Variants in SKI observed in about 807,000 individuals in gnomAD.
SKI encodes SKI proto-oncogene, also known as ski oncogene.
SKI carries 23 observed loss-of-function variants against 59.3 expected under a neutral mutation model. The ratio of observed to expected loss-of-function variants is 0.39; its 90% CI spans 0.28 to 0.55. The LOEUF is 0.55. Among genes scored for constraint, SKI ranks in the 20% least tolerant of loss-of-function variants. The pLI is 0.67. For synonymous variants in SKI, 673 were observed against 488.6 expected (o/e 1.38, Z -4.98); for missense variants, 1,017 against 1,038.9 (o/e 0.98, Z 0.29).
At position 2,309,099 on chromosome 1, in the gene SKI, C is replaced by T. The variant is rs1399279750; in HGVS notation, c.*2334C>T. On this transcript the variant is annotated 3_prime_UTR_variant, in exon 7 of 7. Coordinates refer to ENST00000378536, the MANE Select transcript of SKI (RefSeq NM_003036.4). ...TGCCTCGGCTCACCAGGGTCACTTC[C>T]ACTGTCAGGGGCCTGAGGGGGCAGC... 1 of 152,352 alleles carries T rather than the reference C, an allele frequency of 6.6e-6. No homozygotes were observed. Among genetic ancestry groups the T allele is most frequent in the African/African-American group, 2.4e-5 (1 of 41,454 alleles). 9.4% of individuals were successfully genotyped at this position (152,352 alleles called of 1,614,324 possible).
intron 1 of SKI, among the ~76,000 whole-genome samples, chr1:2,233,803 C>T (rs952552545): frequency 6.6e-6 from 1 of 152,050 alleles, no homozygotes; most frequent in African/African-American, 2.4e-5. Context: ...GTGTTTTGCT[C>T]TTTGCTGTTT....
rs1640714081 is a variant in SKI at position 2,310,098 on chromosome 1, A to G, written c.*3333A>G. The G allele has an allele frequency of 6.6e-6, 1 of 151,494 alleles. No homozygotes were observed. Among genetic ancestry groups the G allele is most frequent in the Non-Finnish European group, 1.5e-5 (1 of 67,906 alleles). The allele number at this position is 151,494 out of a possible 1,614,324, so 9.4% of individuals were successfully genotyped here. ...ATTAATGTATGCTTTCTTGTTTATA[A>G]ATGCCTGATTTAAAAAGAAAAGAGC... On this transcript the variant is annotated 3_prime_UTR_variant, in exon 7 of 7. Transcript: ENST00000378536.
At chr1:2,287,770 A>T (rs1640074921) in intron 1 of SKI, among the ~76,000 whole-genome samples, 1 of 151,938 alleles carries the variant, frequency 6.6e-6, no homozygotes. Context: ...AGATGGATGG[A>T]TTCCCAGGGA....
At chr1:2,297,955 G>C (rs1000715084) in intron 1 of SKI, among the ~76,000 whole-genome samples, 3 of 152,242 alleles carry the variant, frequency 2.0e-5, no homozygotes, top group African/African-American at 7.2e-5. Flanking sequence ...GCTGTGCTGT[G>C]TGGCAGGCCT....
At chr1:2,235,666 C>G (rs1198011451) in intron 1 of SKI, among the ~76,000 whole-genome samples, 1 of 152,158 alleles carries the variant, frequency 6.6e-6, no homozygotes, top group East Asian at 1.9e-4. Flanking sequence ...GCCCAGGGAG[C>G]CTCCAGCTCT....
chr1:2,231,793 C>T (rs1167431999), intron 1 of SKI, among the ~76,000 whole-genome samples: 4 of 152,348 alleles, frequency 2.6e-5, no homozygotes, highest in East Asian at 1.9e-4. Flanking sequence ...GTTTTCCTCT[C>T]CTCATGCTCC....
chr1:2,291,325 C>T (rs1195603998), intron 1 of SKI, among the ~76,000 whole-genome samples: 8 of 152,196 alleles, frequency 5.3e-5, no homozygotes, highest in Admixed American at 4.6e-4. Flanking sequence ...CCTTTGTGGT[C>T]GGCCCCAGTG....
At position 2,308,874 on chromosome 1, in the gene SKI, C is replaced by CT. The variant is rs1640666953; in HGVS notation, c.*2109_*2110insT. The CT allele has an allele frequency of 6.6e-6, 1 of 152,334 alleles. No homozygotes were observed. Among genetic ancestry groups the CT allele is most frequent in the South Asian group, 2.1e-4 (1 of 4,824 alleles). 9.4% of individuals were successfully genotyped at this position (152,334 alleles called of 1,614,324 possible). A position where few individuals can be genotyped will look rare whatever the true frequency, so the allele number is the denominator to read the frequency against. On this transcript the variant is annotated 3_prime_UTR_variant, in exon 7 of 7. Coordinates refer to ENST00000378536, the MANE Select transcript of SKI (RefSeq NM_003036.4). ...CCATCCCGACGGTCACCGTTGGGTCCACGCCTCCACCGCCCCATCTTGCCC... is the reference window on the plus strand; with the variant it reads ...CCATCCCGACGGTCACCGTTGGGTCCTACGCCTCCACCGCCCCATCTTGCCC...
intron 1 of SKI, among the ~76,000 whole-genome samples, chr1:2,297,526 G>C (rs1161635676): frequency 6.6e-6 from 1 of 152,216 alleles, no homozygotes; most frequent in Non-Finnish European, 1.5e-5. Flanking sequence ...GTGGCCCCAG[G>C]GTTGCACCAC....
At chr1:2,288,405 A>G (rs1640090990) in intron 1 of SKI, among the ~76,000 whole-genome samples, 1 of 152,234 alleles carries the variant, frequency 6.6e-6, no homozygotes, top group African/African-American at 2.4e-5. Context: ...TACAGGCATG[A>G]GCCACTGTGC....
At chr1:2,279,019 G>T (rs1469662540) in intron 1 of SKI, among the ~76,000 whole-genome samples, 3 of 152,218 alleles carry the variant, frequency 2.0e-5, no homozygotes, top group African/African-American at 7.2e-5. Context: ...GACAAGGGCA[G>T]GCTGTGGCCG....
intron 1 of SKI, among the ~76,000 whole-genome samples, chr1:2,282,926 G>A (rs567352090): frequency 6.4e-4 from 98 of 152,228 alleles, no homozygotes; most frequent in Admixed American, 1.4e-3. Flanking sequence ...GAGCCACTGT[G>A]TACACTGAAG....
At chr1:2,261,051 G>T (rs1639377689) in intron 1 of SKI, among the ~76,000 whole-genome samples, 1 of 152,180 alleles carries the variant, frequency 6.6e-6, no homozygotes, top group Non-Finnish European at 1.5e-5. Flanking sequence ...TGTTTCAGTG[G>T]AGTTTGTTGT....
At chr1:2,290,235 A>G (rs1463675989) in intron 1 of SKI, among the ~76,000 whole-genome samples, 1 of 152,104 alleles carries the variant, frequency 6.6e-6, no homozygotes, top group East Asian at 1.9e-4. Context: ...GCTCCTGGGA[A>G]GAGGCTACTT....
At chr1:2,302,477 C>T (rs1012020074) in intron 1 of SKI, among the ~76,000 whole-genome samples, 10 of 152,184 alleles carry the variant, frequency 6.6e-5, no homozygotes, top group Non-Finnish European at 1.0e-4. Context: ...ACCCCTGTGC[C>T]GCAGCTGCCC....
chr1:2,263,152 C>G (rs1178614212), intron 1 of SKI, among the ~76,000 whole-genome samples: 1 of 152,006 alleles, frequency 6.6e-6, no homozygotes, highest in East Asian at 1.9e-4. Context: ...CTGTCTGCCT[C>G]GGCCTCCCAA....
In SKI at chr1:2,240,393, T is replaced by C; in HGVS notation, c.969+10658T>C. 4.0e-6 allele frequency: 3 copies of C among 750,448 alleles called. No individual in the cohort carries two copies. The South Asian group carries it at 1.8e-4, about 45-fold the overall frequency. The allele number at this position is 750,448 out of a possible 1,614,324, so 46.5% of individuals were successfully genotyped here. ...GAAATGTGGGCCAGGCAGGTCTGGC[T>C]ACGGGCAGGAGTGTGTCTGGGACTC... On this transcript the variant is annotated intron_variant, in intron 1 of 6. Transcript: ENST00000378536.
intron 1 of SKI, among the ~76,000 whole-genome samples, chr1:2,298,170 G>T (rs1210699952): frequency 6.6e-6 from 1 of 152,194 alleles, no homozygotes; most frequent in African/African-American, 2.4e-5. Flanking sequence ...CGTCACAAAG[G>T]CCTCAATGTC....
chr1:2,305,151 C>G (rs576543712), intron 5 of SKI, among the ~76,000 whole-genome samples: 1 of 152,236 alleles, frequency 6.6e-6, no homozygotes, highest in Non-Finnish European at 1.5e-5. Flanking sequence ...ACACACCCAC[C>G]TGCACACGCT....
Sources: allele counts gnomAD v4.1 joint callset (sites outside exome capture counted in the v4.1 genomes callset), GRCh38; gene constraint gnomAD v4.1.1; transcripts MANE v1.5; gene names NCBI Gene and HGNC (gene_info 2026-07-23, HGNC 2026-07-21).